Variants in MDGA1 observed in about 807,000 individuals in gnomAD.
The protein encoded by MDGA1 is MAM domain-containing glycosylphosphatidylinositol anchor protein 1.
In MDGA1, 54 loss-of-function variants were observed where a neutral mutation model predicts 101.5. The observed-to-expected ratio is 0.53, with a 90% confidence interval of 0.43 to 0.67. The LOEUF (loss-of-function observed/expected upper bound fraction) is 0.67. MDGA1 is among the 30% of genes least tolerant of loss of function. The pLI, the probability that MDGA1 is intolerant of heterozygous loss-of-function variation, is 0.00. For synonymous variants in MDGA1, 533 were observed against 558.3 expected (o/e 0.95, Z 0.64); for missense variants, 1,083 against 1,323.8 (o/e 0.82, Z 2.82).
In MDGA1 at chr6:37,680,845, C is replaced by A. The variant is rs1423081666; in HGVS notation, c.67+15900G>T. Among the ~76,000 whole-genome samples, 4 of 152,380 alleles carry A rather than the reference C, an allele frequency of 2.6e-5. No homozygotes were observed. In the East Asian group the frequency reaches 7.7e-4, roughly 29 times the overall value. On this transcript the variant is annotated intron_variant, in intron 1 of 16. Transcript: ENST00000434837. ...CGGGTGAGCGCACGCCTGGCGCAGG[C>A]CCCAGTGCCTGGGAGAGAGGCTCCG...
chr6:37,635,527 G>A lies in MDGA1; in HGVS notation c.*1841C>T, dbSNP rs764253385. ...TGCTGATTGGGCATCAGAAGGCCCC[G>A]CTGCATCCTGGCCCGGCCACCCACC... On this transcript the variant is annotated 3_prime_UTR_variant, in exon 17 of 17. Transcript: ENST00000434837. The A allele has an allele frequency of 9.3e-5, 37 of 398,568 alleles. No homozygotes were observed. Among genetic ancestry groups the A allele is most frequent in the Non-Finnish European group, 1.4e-4 (32 of 226,088 alleles). The allele number at this position is 398,568 out of a possible 1,614,324, so 24.7% of individuals were successfully genotyped here.
intron 2 of MDGA1, among the ~76,000 whole-genome samples, chr6:37,660,997 A>G (rs143740738): frequency 4.4e-4 from 67 of 152,336 alleles, no homozygotes; most frequent in Middle Eastern, 6.8e-3. Context: ...TGCAAAATAC[A>G]GACAGATTTA....
rs1271968746 is a variant in MDGA1, at chr6:37,649,224, G to A, written c.1652C>T (p.Ala551Val). The A allele has an allele frequency of 8.0e-6, 12 of 1,509,234 alleles. No homozygotes were observed. The highest frequency in any genetic ancestry group is 2.4e-5 in the South Asian group (2 of 81,794). The allele number at this position is 1,509,234 out of a possible 1,614,324, so 93.5% of individuals were successfully genotyped here. ...VEPSSQDVRQALGRPVLLRCS... is the reference protein window; with the variant it reads ...VEPSSQDVRQVLGRPVLLRCS... Reference sequence around the variant, plus strand: ...GCGCAGGAGCACGGGCCGGCCCAGCGCCTGGCGCACGTCCTGGGAACTGGG... The same window carrying A: ...GCGCAGGAGCACGGGCCGGCCCAGCACCTGGCGCACGTCCTGGGAACTGGG... The change falls in exon 9 of 17, where the codon GCG (alanine) becomes GTG (valine). Residue 551 changes from alanine to valine, a missense_variant. Physicochemically the swap from Ala to Val is moderately conservative, Grantham distance 64. This residue lies in a region of MDGA1 where 657 missense variants were observed against 771.4 expected (regional missense o/e 0.85). Transcript: ENST00000434837.
intron 1 of MDGA1, among the ~76,000 whole-genome samples, chr6:37,694,829 C>T (rs374903883): frequency 6.6e-6 from 1 of 152,158 alleles, no homozygotes; most frequent in East Asian, 1.9e-4. Context: ...ACCCAGCCCA[C>T]TTTGATTGGC....
At chr6:37,642,203 G>A (rs1764104072) in intron 14 of MDGA1, among the ~76,000 whole-genome samples, 1 of 137,088 alleles carries the variant, frequency 7.3e-6, no homozygotes, top group Non-Finnish European at 1.5e-5. Flanking sequence ...TTTTGAGACG[G>A]AGTCTTACTC....
intron 7 of MDGA1, 46 bp downstream of exon 7, chr6:37,651,965 C>A: frequency 6.8e-7 from 1 of 1,461,014 alleles, no homozygotes. Context: ...GTCTGTGGGC[C>A]TCTCCACCCC....
rs372164619 is a variant in MDGA1 at position 37,647,381 on chromosome 6, A to T, written c.1895-57T>A. On this transcript the variant is annotated intron_variant, in intron 9 of 16. Transcript: ENST00000434837. ...TGGAGGGTGCAGGGGAGACACAAAG[A>T]GAGGAGGTGTGGGAAAGGGAAACAA... The T allele has an allele frequency of 2.3e-5, 26 of 1,130,348 alleles. No individual in the cohort carries two copies. The South Asian group carries it at 4.0e-4, about 17-fold the overall frequency. The allele number at this position is 1,130,348 out of a possible 1,614,324, so 70.0% of individuals were successfully genotyped here. A position where few individuals can be genotyped will look rare whatever the true frequency, so the allele number is the denominator to read the frequency against.
chr6:37,680,943 A>C (rs1762080645), intron 1 of MDGA1, among the ~76,000 whole-genome samples: 1 of 152,002 alleles, frequency 6.6e-6, no homozygotes. Flanking sequence ...CCTGCTGGGA[A>C]GGCTGGCAGA....
At position 37,664,060 on chromosome 6, in the gene MDGA1, C is replaced by A. The variant is rs367802780; in HGVS notation, c.114G>T (p.Val38=). The A allele has an allele frequency of 1.2e-6, 2 of 1,613,920 alleles. No individual in the cohort carries two copies. The highest frequency in any genetic ancestry group is 4.5e-5 in the East Asian group (2 of 44,858). ...CACGCTCGCTGATATTGTCCTCTTT[C>A]ACCACACATGCCTGGCCCGCATGCA... is the stretch of plus-strand genomic sequence containing the variant. The part of the protein sequence containing the change: ...QIVHAGQACV[V]KEDNISERVY... The change falls in exon 2 of 17, where the codon GTG becomes GTT. Residue 38 remains valine, a synonymous_variant. Transcript: ENST00000434837.
At chr6:37,689,004 C>T (rs1306325876) in intron 1 of MDGA1, among the ~76,000 whole-genome samples, 2 of 152,178 alleles carry the variant, frequency 1.3e-5, no homozygotes, top group Non-Finnish European at 2.9e-5. Flanking sequence ...ATCAAGAATC[C>T]GCATTTCCAC....
intron 1 of MDGA1, among the ~76,000 whole-genome samples, chr6:37,674,078 G>A (rs1761927272): frequency 6.6e-6 from 1 of 152,168 alleles, no homozygotes; most frequent in Non-Finnish European, 1.5e-5. Context: ...AGCCAAATGA[G>A]GCATAGCCCT....
In MDGA1 at chr6:37,638,713, A is replaced by G; in HGVS notation, c.2537-46T>C. ...GTGGGCAGTGAGATCTGGCCAGGGC[A>G]CCCTCACCTTTCCACATTTACCAAG... On this transcript the variant is annotated intron_variant, in intron 14 of 16. Transcript: ENST00000434837. The surrounding 1 kb of genome is among the most constrained non-coding windows in gnomAD (Gnocchi z 4.8). 6.4e-7 allele frequency: 1 copy of G among 1,573,728 alleles called. No individual in the cohort carries two copies.
intron 1 of MDGA1, among the ~76,000 whole-genome samples, chr6:37,695,873 G>A (rs1314524158): frequency 1.3e-5 from 2 of 152,210 alleles, no homozygotes; most frequent in Admixed American, 1.3e-4. Context: ...AAGGCACTGC[G>A]GGAGGCTGAG....
intron 2 of MDGA1, among the ~76,000 whole-genome samples, chr6:37,663,251 C>T (rs1165481627): frequency 3.3e-5 from 5 of 152,158 alleles, no homozygotes; most frequent in South Asian, 2.1e-4. Flanking sequence ...CCATACACTT[C>T]GACGGTGACA....
chr6:37,695,617 C>T (rs1336091010), intron 1 of MDGA1, among the ~76,000 whole-genome samples: 1 of 152,204 alleles, frequency 6.6e-6, no homozygotes, highest in African/African-American at 2.4e-5. Flanking sequence ...GGTGCTTTAG[C>T]CTCAGCACCT....
At chr6:37,692,469 GT>G (rs988302249) in intron 1 of MDGA1, among the ~76,000 whole-genome samples, 1 of 149,916 alleles carries the variant, frequency 6.7e-6, no homozygotes, top group African/African-American at 2.5e-5. Context: ...GGGCAGTGGT[GT>G]TTGGGGTGGG....
chr6:37,670,564 G>T (rs542056095), intron 1 of MDGA1, among the ~76,000 whole-genome samples: 69 of 152,284 alleles, frequency 4.5e-4, no homozygotes, highest in Admixed American at 4.4e-3. Flanking sequence ...AGAAACTCAT[G>T]TAAAGTGTTT....
chr6:37,674,853 C>T (rs1015908916), intron 1 of MDGA1, among the ~76,000 whole-genome samples: 73 of 151,916 alleles, frequency 4.8e-4, no homozygotes, highest in African/African-American at 1.5e-3. Flanking sequence ...ATCAGGAGTT[C>T]GAAACCAGCC....
rs1281687401 is a variant in MDGA1, at chr6:37,637,565, G to A, written c.2777-106C>T. ...CTGTTACTCTGCCCACCTCTTTGGA[G>A]GGCCTGAGGGTGGGCACTGGCCTCA... On this transcript the variant is annotated intron_variant, in intron 16 of 16. Coordinates refer to ENST00000434837, the MANE Select transcript of MDGA1 (RefSeq NM_153487.4). 4 of 926,686 alleles carry A rather than the reference G, an allele frequency of 4.3e-6. No homozygotes were observed. The African/African-American group carries it at 4.9e-5, about 11-fold the overall frequency. 57.4% of individuals were successfully genotyped at this position (926,686 alleles called of 1,614,324 possible).
Sources: allele counts gnomAD v4.1 joint callset (sites outside exome capture counted in the v4.1 genomes callset), GRCh38; gene constraint gnomAD v4.1.1; regional missense constraint gnomAD v4.1.1; non-coding constraint Gnocchi (gnomAD v3.1); transcripts MANE v1.5; gene names NCBI Gene and HGNC (gene_info 2026-07-23, HGNC 2026-07-21).